The following CATSPERT variants were observed in gnomAD, a reference collection of about 807,000 sequenced individuals.
CATSPERT encodes cation channel sperm-associated targeting subunit tau.
the CATSPERT span, among the ~76,000 whole-genome samples, chr2:201,509,048 T>A: frequency 2.7e-5 from 4 of 145,874 alleles, no homozygotes; most frequent in Admixed American, 6.6e-5. Context: ...GATAATTCTA[T>A]TTTTAATATT....
chr2:201,541,617 G>C, the CATSPERT span, among the ~76,000 whole-genome samples: 7 of 144,608 alleles, frequency 4.8e-5, no homozygotes, highest in Non-Finnish European at 1.1e-4. Flanking sequence ...ATATGACAGA[G>C]TCTCATCTCA....
At chr2:201,487,957 T>G in the CATSPERT span, 1 of 1,435,546 alleles carries the variant, frequency 7.0e-7, no homozygotes, top group Non-Finnish European at 9.4e-7. Context: ...AAAAGTAGGT[T>G]TTAAATTTAC....
the CATSPERT span, among the ~76,000 whole-genome samples, chr2:201,526,566 A>C: frequency 3.9e-5 from 6 of 152,158 alleles, no homozygotes; most frequent in East Asian, 1.2e-3. Context: ...TCAGAAAGCT[A>C]ATCTACCATG....
the CATSPERT span, among the ~76,000 whole-genome samples, chr2:201,559,338 C>A: frequency 3.3e-5 from 5 of 152,232 alleles, no homozygotes. Context: ...CATCCCAGAC[C>A]TGTGAAATGG....
At chr2:201,523,817 G>C in the CATSPERT span, among the ~76,000 whole-genome samples, 1 of 152,130 alleles carries the variant, frequency 6.6e-6, no homozygotes, top group Non-Finnish European at 1.5e-5. Context: ...ATCTGGTAGA[G>C]CTGAAAAACT....
the CATSPERT span, among the ~76,000 whole-genome samples, chr2:201,598,061 C>T: frequency 2.6e-5 from 4 of 151,972 alleles, no homozygotes; most frequent in South Asian, 2.1e-4. Context: ...TTCTTACTCC[C>T]GCCTGTATTA....
the CATSPERT span, among the ~76,000 whole-genome samples, chr2:201,602,790 G>C: frequency 6.6e-6 from 1 of 152,016 alleles, no homozygotes; most frequent in East Asian, 1.9e-4. Context: ...AAGCCAAAAA[G>C]GCACTCAACT....
At chr2:201,509,952 C>T in the CATSPERT span, among the ~76,000 whole-genome samples, 10 of 150,694 alleles carry the variant, frequency 6.6e-5, no homozygotes, top group Non-Finnish European at 1.3e-4. Context: ...TTAAAGATAT[C>T]GCTGCATTTT....
the CATSPERT span, among the ~76,000 whole-genome samples, chr2:201,612,628 C>A: frequency 0.87 from 130,714 of 149,506 alleles, 58,232 homozygotes; most frequent in South Asian, 0.98. Context: ...GAGCAGCTCC[C>A]GTCTGCAGTT....
At chr2:201,492,891 A>G in the CATSPERT span, 2 of 1,536,564 alleles carry the variant, frequency 1.3e-6, no homozygotes, top group African/African-American at 2.7e-5. Flanking sequence ...TACTTAATTC[A>G]GATTTTAAAT....
chr2:201,515,425 C>G, the CATSPERT span, among the ~76,000 whole-genome samples: 16 of 151,104 alleles, frequency 1.1e-4, no homozygotes, highest in East Asian at 3.1e-3. Context: ...AGTAGAGACA[C>G]AGTTTCCCCA....
At chr2:201,589,224 TTGAGATTCTTCAAA>T in the CATSPERT span, among the ~76,000 whole-genome samples, 1 of 151,938 alleles carries the variant, frequency 6.6e-6, no homozygotes, top group South Asian at 2.1e-4. Flanking sequence ...TAAACCCCCA[TTGAGATTCTTCAAA>T]GAACTAGAGA....
chr2:201,598,014 G>T, the CATSPERT span, among the ~76,000 whole-genome samples: 3 of 152,144 alleles, frequency 2.0e-5, no homozygotes, highest in East Asian at 5.8e-4. Flanking sequence ...ATAAAGTCAA[G>T]AATTTCTACA....
At chr2:201,608,366 G>A in the CATSPERT span, among the ~76,000 whole-genome samples, 1 of 152,118 alleles carries the variant, frequency 6.6e-6, no homozygotes, top group East Asian at 1.9e-4. Flanking sequence ...TGATAATAAT[G>A]TGTATACACT....
At chr2:201,495,383 A>G in the CATSPERT span, among the ~76,000 whole-genome samples, 3 of 152,300 alleles carry the variant, frequency 2.0e-5, no homozygotes, top group African/African-American at 7.2e-5. Context: ...AGGGAGAACC[A>G]TATAGAAAAC....
chr2:201,604,520 C>T, the CATSPERT span: 161 of 659,276 alleles, frequency 2.4e-4, no homozygotes, highest in Admixed American at 4.7e-4. Flanking sequence ...TTCATAAATA[C>T]GCCATCAGAG....
At chr2:201,525,195 T>C in the CATSPERT span, among the ~76,000 whole-genome samples, 1 of 152,130 alleles carries the variant, frequency 6.6e-6, no homozygotes, top group Non-Finnish European at 1.5e-5. Flanking sequence ...TGCTCTAAAA[T>C]TGGCCACACA....
the CATSPERT span, among the ~76,000 whole-genome samples, chr2:201,552,479 T>C: frequency 2.0e-5 from 3 of 152,314 alleles, no homozygotes; most frequent in East Asian, 5.8e-4. Context: ...ATAAGGACTA[T>C]TGTTAAAGAA....
the CATSPERT span, among the ~76,000 whole-genome samples, chr2:201,498,057 G>A: frequency 1.3e-5 from 2 of 152,130 alleles, no homozygotes; most frequent in Non-Finnish European, 2.9e-5. Context: ...GGTCTGAGAA[G>A]CAATACATTC....
Sources: gnomAD v4.1 joint callset for allele counts (sites outside exome capture counted in the v4.1 genomes callset) on GRCh38, gnomAD v4.1.1 for gene constraint, MANE v1.5 for transcripts, NCBI Gene and HGNC (gene_info 2026-07-23, HGNC 2026-07-21) for gene names.